CACNA1E: variants seen among roughly 807,000 people sequenced by gnomAD.
CACNA1E encodes the protein voltage-dependent R-type calcium channel subunit alpha-1E.
Under a neutral mutation model 259.2 loss-of-function variants are expected in CACNA1E, and 40 were observed. The observed-to-expected ratio is 0.15, with a 90% CI of 0.12 to 0.20. CACNA1E has a LOEUF of 0.20. CACNA1E is among the 10% of genes least tolerant of loss of function. CACNA1E has a pLI of 1.00. For synonymous variants in CACNA1E, 1,104 were observed against 1,138.5 expected (o/e 0.97, Z 0.61); for missense variants, 1,874 against 3,040.1 (o/e 0.62, Z 9.02).
At chr1:181,458,839 A>G (rs1013798391) in intron 2 of CACNA1E, among the ~76,000 whole-genome samples, 1 of 148,418 alleles carries the variant, frequency 6.7e-6, no homozygotes, top group Non-Finnish European at 1.5e-5. Flanking sequence ...CCATCCATCC[A>G]TCCATCCATC....
At chr1:181,615,043 T>C (rs1655084293) in intron 6 of CACNA1E, among the ~76,000 whole-genome samples, 1 of 152,214 alleles carries the variant, frequency 6.6e-6, no homozygotes, top group Non-Finnish European at 1.5e-5. Flanking sequence ...TGGGACTGCA[T>C]TGAATCTATA....
intron 34 of CACNA1E, among the ~76,000 whole-genome samples, chr1:181,763,875 A>G (rs534305215): frequency 6.6e-6 from 1 of 152,336 alleles, no homozygotes; most frequent in South Asian, 2.1e-4. Flanking sequence ...CCATGTAAAG[A>G]GCCAGCCATC....
chr1:181,594,353 G>T (rs1021995913), intron 6 of CACNA1E, among the ~76,000 whole-genome samples: 5 of 152,116 alleles, frequency 3.3e-5, no homozygotes, highest in African/African-American at 9.7e-5. Context: ...CACATAGGCT[G>T]GTATAGTGAA....
intron 43 of CACNA1E, among the ~76,000 whole-genome samples, chr1:181,787,143 G>A (rs188832098): frequency 8.5e-5 from 13 of 152,050 alleles, no homozygotes; most frequent in Admixed American, 3.3e-4. Flanking sequence ...TTTTTGAGAC[G>A]GAGTCTCGCT....
intron 6 of CACNA1E, among the ~76,000 whole-genome samples, chr1:181,589,459 A>T (rs968234064): frequency 3.3e-5 from 5 of 152,172 alleles, no homozygotes; most frequent in Admixed American, 3.3e-4. Flanking sequence ...ATGGGTACAT[A>T]CATATACTTG....
rs141086638 is a variant in CACNA1E, at chr1:181,498,717, G to A, written c.267-11760G>A. 7.9e-5 allele frequency among the ~76,000 whole-genome samples: 12 copies of A among 152,274 alleles called. No individual in the cohort carries two copies. In the East Asian group the frequency reaches 2.3e-3, roughly 29 times the overall value. ...GAAGGCCATAGAGGTTAAATGATTT[G>A]CCTCAATAAGTGGCAGAGCAGAGCC... is the stretch of plus-strand genomic sequence containing the variant. On this transcript the variant is annotated intron_variant, in intron 1 of 47. Coordinates refer to ENST00000367573, the MANE Select transcript of CACNA1E (RefSeq NM_001205293.3).
intron 7 of CACNA1E, among the ~76,000 whole-genome samples, chr1:181,661,756 A>T (rs1647705836): frequency 6.6e-6 from 1 of 152,224 alleles, no homozygotes; most frequent in Non-Finnish European, 1.5e-5. Context: ...CACAGTGACC[A>T]TATGAGGAAG....
Position 181,710,961 on chromosome 1 carries a change from G to T in CACNA1E, c.1063G>T (p.Ala355Ser). 6.2e-7 allele frequency: 1 copy of T among 1,611,630 alleles called. No homozygotes were observed. The highest frequency in any genetic ancestry group is 8.5e-7 in the Non-Finnish European group (1 of 1,177,962). The change falls in exon 8 of 48, where the codon GCC becomes TCC. Residue 355 changes from alanine to serine, a missense_variant. This residue lies in a region of CACNA1E where 13 missense variants were observed against 66.9 expected (regional missense o/e 0.19). Transcript: ENST00000367573. The part of the protein sequence containing the change: ...LVLGVLSGEF[A>S]KERERVENRR... ...TATCCTTCTTGTCCACAGGGAATTT[G>T]CCAAAGAGAGAGAGAGAGTGGAGAA... is the stretch of plus-strand genomic sequence containing the variant.
At chr1:181,396,445 G>A (rs1656686692) in intron 1 of CACNA1E, among the ~76,000 whole-genome samples, 1 of 152,200 alleles carries the variant, frequency 6.6e-6, no homozygotes, top group African/African-American at 2.4e-5. Context: ...CTTAACAAAA[G>A]CGTGGGGAGA....
At chr1:181,674,552 C>T (rs2102221291) in intron 7 of CACNA1E, among the ~76,000 whole-genome samples, 1 of 152,120 alleles carries the variant, frequency 6.6e-6, no homozygotes, top group African/African-American at 2.4e-5. Flanking sequence ...GTCTTAGAGC[C>T]CCTGGACACA....
intron 3 of CACNA1E, among the ~76,000 whole-genome samples, chr1:181,519,584 A>AT (rs1462846262): frequency 2.0e-5 from 3 of 152,108 alleles, no homozygotes; most frequent in Admixed American, 6.6e-5. Context: ...CTTACTTATT[A>AT]TTTTTTTCAC....
intron 6 of CACNA1E, among the ~76,000 whole-genome samples, chr1:181,586,556 C>T (rs946214008): frequency 3.3e-5 from 5 of 151,988 alleles, no homozygotes; most frequent in Non-Finnish European, 5.9e-5. Flanking sequence ...TGTCCTGGGG[C>T]CAAGTGAAGA....
intron 3 of CACNA1E, among the ~76,000 whole-genome samples, chr1:181,540,339 T>C (rs1410283021): frequency 6.6e-6 from 1 of 152,054 alleles, no homozygotes; most frequent in Non-Finnish European, 1.5e-5. Flanking sequence ...GGCAACATGG[T>C]GTTTTATATG....
chr1:181,674,325 G>A (rs753778257), intron 7 of CACNA1E, among the ~76,000 whole-genome samples: 1 of 148,962 alleles, frequency 6.7e-6, no homozygotes, highest in African/African-American at 2.5e-5. Context: ...CCTGGGAGGC[G>A]GAGCTTGCAG....
intron 6 of CACNA1E, among the ~76,000 whole-genome samples, chr1:181,594,240 TTTC>T (rs1652940582): frequency 6.6e-6 from 1 of 152,006 alleles, no homozygotes; most frequent in South Asian, 2.1e-4. Context: ...CAGGTTGAGT[TTTC>T]TTTTCCATTC....
At chr1:181,384,733 G>C (rs1655716174) in intron 1 of CACNA1E, among the ~76,000 whole-genome samples, 1 of 151,992 alleles carries the variant, frequency 6.6e-6, no homozygotes, top group Middle Eastern at 3.2e-3. Context: ...GCCCCTCCCA[G>C]ACCCTGCCAT....
chr1:181,409,344 G>A (rs1291842297), intron 1 of CACNA1E, among the ~76,000 whole-genome samples: 2 of 152,186 alleles, frequency 1.3e-5, no homozygotes, highest in African/African-American at 4.8e-5. Context: ...CTACCCTTAA[G>A]TAACATATAT....
At chr1:181,680,672 C>T (rs1436414257) in intron 7 of CACNA1E, among the ~76,000 whole-genome samples, 1 of 152,198 alleles carries the variant, frequency 6.6e-6, no homozygotes, top group Non-Finnish European at 1.5e-5. Context: ...GCACACTTCA[C>T]CACACCCCAT....
At chr1:181,751,860 C>T (rs1001814779) in intron 26 of CACNA1E, 2 of 562,072 alleles carry the variant, frequency 3.6e-6, no homozygotes, top group Non-Finnish European at 6.8e-6. Flanking sequence ...TGCATGGATG[C>T]CTCTGTGTGC....
Sources: allele counts gnomAD v4.1 joint callset (sites outside exome capture counted in the v4.1 genomes callset), GRCh38; gene constraint gnomAD v4.1.1; regional missense constraint gnomAD v4.1.1; transcripts MANE v1.5; gene names NCBI Gene and HGNC (gene_info 2026-07-23, HGNC 2026-07-21).